The following CDH18 variants were observed in gnomAD, a reference collection of about 807,000 sequenced individuals.
The protein encoded by CDH18 is cadherin 18, also known as cadherin-18.
A neutral mutation model predicts 67.9 loss-of-function variants in CDH18; 31 were observed. The observed-to-expected ratio is 0.46, with a 90% CI of 0.34 to 0.62. CDH18 has a LOEUF of 0.62. Ranked by LOEUF, CDH18 falls within the 20% of genes least tolerant of loss-of-function variation. CDH18 has a pLI of 0.01. For synonymous variants in CDH18, 362 were observed against 347.2 expected (o/e 1.04, Z -0.48); for missense variants, 890 against 975.5 (o/e 0.91, Z 1.17).
chr5:20,238,093 G>T (rs1170847628), intron 2 of CDH18, among the ~76,000 whole-genome samples: 1 of 151,766 alleles, frequency 6.6e-6, no homozygotes, highest in Non-Finnish European at 1.5e-5. Context: ...GAAAAAAATC[G>T]ATCTATATCT....
At chr5:19,913,726 C>T (rs540464187) in intron 2 of CDH18, among the ~76,000 whole-genome samples, 1 of 152,194 alleles carries the variant, frequency 6.6e-6, no homozygotes, top group South Asian at 2.1e-4. Context: ...GAGACCTCCA[C>T]AGCCCAGAAG....
intron 2 of CDH18, among the ~76,000 whole-genome samples, chr5:19,909,994 G>A (rs1790949240): frequency 6.6e-6 from 1 of 152,058 alleles, no homozygotes; most frequent in Non-Finnish European, 1.5e-5. Context: ...TAGTCTGTGA[G>A]TTCATTCTTG....
chr5:20,186,298 T>A (rs1738097027), intron 2 of CDH18, among the ~76,000 whole-genome samples: 1 of 152,044 alleles, frequency 6.6e-6, no homozygotes, highest in East Asian at 1.9e-4. Flanking sequence ...GAAGTTAGAA[T>A]TTATCAATAT....
At chr5:19,685,548 T>C (rs1428384712) in intron 5 of CDH18, among the ~76,000 whole-genome samples, 1 of 152,188 alleles carries the variant, frequency 6.6e-6, no homozygotes, top group African/African-American at 2.4e-5. Context: ...AAAATATTAG[T>C]TGCCAGGATT....
At chr5:20,385,778 T>C (rs1744266562) in intron 1 of CDH18, among the ~76,000 whole-genome samples, 1 of 152,220 alleles carries the variant, frequency 6.6e-6, no homozygotes. Flanking sequence ...TATATAAACA[T>C]TGCACAAATA....
At chr5:20,041,537 C>G (rs116420354) in intron 2 of CDH18, among the ~76,000 whole-genome samples, 1,744 of 152,202 alleles carry the variant, frequency 0.011, 39 homozygotes, top group African/African-American at 0.04. Flanking sequence ...CTTCTCCTCC[C>G]GTGGAAACAA....
intron 2 of CDH18, among the ~76,000 whole-genome samples, chr5:20,248,560 G>T (rs1037816029): frequency 2.0e-5 from 3 of 152,130 alleles, no homozygotes; most frequent in Non-Finnish European, 4.4e-5. Context: ...CATTTCCAGA[G>T]CTACTTATTT....
At chr5:20,490,172 G>T (rs1233982341) in intron 1 of CDH18, among the ~76,000 whole-genome samples, 1 of 151,834 alleles carries the variant, frequency 6.6e-6, no homozygotes, top group African/African-American at 2.4e-5. Context: ...ATAATAGCTT[G>T]TACTCCCACC....
intron 1 of CDH18, among the ~76,000 whole-genome samples, chr5:20,274,812 A>G (rs763054762): frequency 6.6e-6 from 1 of 152,196 alleles, no homozygotes; most frequent in Non-Finnish European, 1.5e-5. Flanking sequence ...TATACTTTAT[A>G]GAAAAAATAT....
At chr5:19,656,670 C>CTG (rs1756452779) in intron 5 of CDH18, among the ~76,000 whole-genome samples, 1 of 151,636 alleles carries the variant, frequency 6.6e-6, no homozygotes, top group African/African-American at 2.4e-5. Flanking sequence ...AAACTGATGA[C>CTG]ATATTGTAAA....
chr5:19,489,250 C>CTTTT (rs1237810466), intron 11 of CDH18, among the ~76,000 whole-genome samples: 1 of 128,126 alleles, frequency 7.8e-6, no homozygotes, highest in Non-Finnish European at 1.7e-5. Context: ...TTTTTTTTTT[C>CTTTT]TTTTTTTTTT....
intron 2 of CDH18, among the ~76,000 whole-genome samples, chr5:20,245,188 A>T (rs1046321004): frequency 6.6e-6 from 1 of 152,120 alleles, no homozygotes. Context: ...TTTTACCTTC[A>T]TACAAAACAA....
At chr5:20,500,948 A>G (rs960209363) in intron 1 of CDH18, among the ~76,000 whole-genome samples, 2 of 152,180 alleles carry the variant, frequency 1.3e-5, no homozygotes, top group Non-Finnish European at 2.9e-5. Context: ...TTTGTTTCTA[A>G]GAAGAATGAT....
chr5:19,860,229 C>T (rs1216439773), intron 2 of CDH18, among the ~76,000 whole-genome samples: 1 of 152,022 alleles, frequency 6.6e-6, no homozygotes, highest in Non-Finnish European at 1.5e-5. Context: ...TTTTAATATT[C>T]CTCAACCAGA....
intron 1 of CDH18, among the ~76,000 whole-genome samples, chr5:20,543,729 C>T (rs1009188711): frequency 1.3e-5 from 2 of 152,132 alleles, no homozygotes; most frequent in African/African-American, 4.8e-5. Flanking sequence ...AAACTTTACT[C>T]TCTGATTACT....
At chr5:20,027,053 G>A (rs1200122422) in intron 2 of CDH18, among the ~76,000 whole-genome samples, 1 of 151,680 alleles carries the variant, frequency 6.6e-6, no homozygotes, top group African/African-American at 2.4e-5. Flanking sequence ...CCTTGATATG[G>A]AAATAAAATA....
intron 2 of CDH18, among the ~76,000 whole-genome samples, chr5:20,030,053 T>C (rs1448689365): frequency 6.6e-6 from 1 of 152,184 alleles, no homozygotes; most frequent in African/African-American, 2.4e-5. Flanking sequence ...ACCTGAACTT[T>C]GGGTCAAATT....
intron 1 of CDH18, among the ~76,000 whole-genome samples, chr5:20,296,625 C>A (rs906206814): frequency 6.6e-6 from 1 of 151,876 alleles, no homozygotes; most frequent in Admixed American, 6.6e-5. Context: ...TTTCTTTTAC[C>A]TTAAATGTAC....
intron 2 of CDH18, among the ~76,000 whole-genome samples, chr5:19,930,333 G>T (rs1045546066): frequency 6.6e-6 from 1 of 151,938 alleles, no homozygotes; most frequent in South Asian, 2.1e-4. Flanking sequence ...CGAGCAAGGA[G>T]AAACATATGT....
Sources: gnomAD v4.1 joint callset for allele counts (sites outside exome capture counted in the v4.1 genomes callset) on GRCh38, gnomAD v4.1.1 for gene constraint, MANE v1.5 for transcripts, NCBI Gene and HGNC (gene_info 2026-07-23, HGNC 2026-07-21) for gene names.